Variants in FFAR1 observed in about 807,000 individuals in gnomAD.
FFAR1 encodes the protein free fatty acid receptor 1, also known as G-protein coupled receptor 40.
For missense variants in FFAR1, 424 were observed against 396.2 expected (o/e 1.07, Z -0.60); for synonymous variants, 216 against 201.5 (o/e 1.07, Z -0.61).
exon 1 of FFAR1, chr19:35,352,897 A>G: frequency 4.8e-6 from 1 of 208,450 alleles, no homozygotes; most frequent in Non-Finnish European, 9.8e-6. Context: ...GTAGGAGAGG[A>G]GGCAGGAGGC....
At chr19:35,351,622 T>C in exon 1 of FFAR1, 1 of 1,543,334 alleles carries the variant, frequency 6.5e-7, no homozygotes, top group Non-Finnish European at 8.7e-7. Flanking sequence ...CCGCTCAACG[T>C]CCTGGCCATC....
upstream of FFAR1, among the ~76,000 whole-genome samples, chr19:35,349,272 T>C (rs1420971591): frequency 6.6e-6 from 1 of 152,066 alleles, no homozygotes; most frequent in East Asian, 1.9e-4. Flanking sequence ...ACAGGAGGGA[T>C]GAGTGTGGCT....
At chr19:35,350,624 T>G (rs2066940184), upstream of FFAR1, among the ~76,000 whole-genome samples, 1 of 152,154 alleles carries the variant, frequency 6.6e-6, no homozygotes. Context: ...GGCCCCTCTG[T>G]GTTCCTGCAT....
upstream of FFAR1, among the ~76,000 whole-genome samples, chr19:35,348,391 G>T (rs61396797): frequency 0.019 from 2,889 of 152,276 alleles, 74 homozygotes; most frequent in South Asian, 0.092. Flanking sequence ...CTGAGGTCAG[G>T]AGTTCAAGAC....
At chr19:35,351,578 C>A (rs1369977946) in exon 1 of FFAR1, 9 of 1,541,044 alleles carry the variant, frequency 5.8e-6, no homozygotes, top group Non-Finnish European at 7.8e-6. Flanking sequence ...AGCTCTCCTT[C>A]GGCCTCTATG....
exon 1 of FFAR1, chr19:35,352,470 G>A (rs1255020527): frequency 6.5e-7 from 1 of 1,548,142 alleles, no homozygotes; most frequent in Non-Finnish European, 8.7e-7. Flanking sequence ...CTGCTCGGGG[G>A]AAGGAGCATG....
exon 1 of FFAR1, chr19:35,352,065 G>C: frequency 6.2e-7 from 1 of 1,613,470 alleles, no homozygotes; most frequent in Non-Finnish European, 8.5e-7. Context: ...GGTCTGCCTG[G>C]AGGCCTGGGA....
chr19:35,351,473 C>T (rs1229076454), upstream of FFAR1: 34 of 1,333,976 alleles, frequency 2.5e-5, 2 homozygotes, highest in South Asian at 2.5e-4. Context: ...CCAGGAGCCC[C>T]TCCTCTCCGG....
At chr19:35,351,526 G>A, upstream of FFAR1, 1 of 1,537,108 alleles carries the variant, frequency 6.5e-7, no homozygotes, top group South Asian at 1.2e-5. Context: ...GCACACAGGA[G>A]CCGTGCAGGC....
upstream of FFAR1, among the ~76,000 whole-genome samples, chr19:35,350,661 G>A (rs914366207): frequency 1.3e-5 from 2 of 152,068 alleles, no homozygotes; most frequent in Non-Finnish European, 2.9e-5. Flanking sequence ...CTCCTCTGGC[G>A]TGGCCTCACC....
chr19:35,352,121 C>CT lies in FFAR1; in HGVS notation c.576dup (p.Leu193SerfsTer80). On this transcript the variant is annotated frameshift_variant, in exon 1 of 1. Coordinates refer to ENST00000246553, the Ensembl canonical transcript of FFAR1. LOFTEE classifies it high-confidence loss of function. ...CCCGCTTCAGCCTCTCTCTCCTGCT[C>CT]TTTTTTCTGCCCTTGGCCATCACAG... 1.2e-6 allele frequency: 2 copies of CT among 1,611,980 alleles called. No homozygotes were observed. The highest frequency in any genetic ancestry group is 1.7e-6 in the Non-Finnish European group (2 of 1,179,872).
upstream of FFAR1, among the ~76,000 whole-genome samples, chr19:35,351,321 G>A (rs1368050956): frequency 2.0e-5 from 3 of 152,176 alleles, no homozygotes; most frequent in Non-Finnish European, 2.9e-5. Flanking sequence ...AGAAAGCACA[G>A]GACTGGGGGC....
chr19:35,350,212 T>G (rs577227388), upstream of FFAR1, among the ~76,000 whole-genome samples: 26 of 152,256 alleles, frequency 1.7e-4, 1 homozygote, highest in South Asian at 5.2e-3. Flanking sequence ...CGCTCCTTCC[T>G]CCAGCCCTGG....
At chr19:35,351,736 A>C in exon 1 of FFAR1, 1 of 1,562,322 alleles carries the variant, frequency 6.4e-7, no homozygotes, top group Non-Finnish European at 8.6e-7. Context: ...CTGCCCCTGA[A>C]GGCGGTGGAG....
At chr19:35,351,589 T>C in exon 1 of FFAR1, 2 of 1,541,154 alleles carry the variant, frequency 1.3e-6, no homozygotes, top group Non-Finnish European at 1.7e-6. Flanking sequence ...GGCCTCTATG[T>C]GGCCGCCTTT....
At chr19:35,352,717 C>A (rs530773134) in exon 1 of FFAR1, 42 of 545,878 alleles carry the variant, frequency 7.7e-5, no homozygotes, top group African/African-American at 7.0e-4. Context: ...CTTTCTCTCC[C>A]CTCTGCACGT....
exon 1 of FFAR1, chr19:35,352,824 G>C: frequency 3.1e-6 from 1 of 325,656 alleles, no homozygotes; most frequent in East Asian, 6.6e-5. Flanking sequence ...CTGCCACTCC[G>C]GTGATGCACT....
upstream of FFAR1, among the ~76,000 whole-genome samples, chr19:35,349,511 G>A (rs1236213446): frequency 1.3e-5 from 2 of 152,248 alleles, no homozygotes; most frequent in African/African-American, 2.4e-5. Flanking sequence ...CTCACAGCGG[G>A]CGCTGCACCC....
At chr19:35,350,913 C>T (rs146050843), upstream of FFAR1, among the ~76,000 whole-genome samples, 1,516 of 152,306 alleles carry the variant, frequency 1.0e-2, 12 homozygotes, top group Non-Finnish European at 0.017. Flanking sequence ...CCCAGGTGGC[C>T]CCTGAGAACT....
Sources: gnomAD v4.1 joint callset for allele counts (sites outside exome capture counted in the v4.1 genomes callset) on GRCh38, gnomAD v4.1.1 for gene constraint, MANE v1.5 for transcripts, NCBI Gene and HGNC (gene_info 2026-07-23, HGNC 2026-07-21) for gene names.